PSD3: variants seen among roughly 807,000 people sequenced by gnomAD.
The protein encoded by PSD3 is PH and SEC7 domain-containing protein 3.
In PSD3, 49 loss-of-function variants were observed where a neutral mutation model predicts 105.5. The observed-to-expected ratio is 0.46, with a 90% confidence interval of 0.37 to 0.59. The LOEUF (loss-of-function observed/expected upper bound fraction) is 0.59, where lower values mean the gene tolerates loss of function less well. Ranked by LOEUF, PSD3 falls within the 20% of genes least tolerant of loss-of-function variation. The pLI is 0.00. For missense variants in PSD3, 1,561 were observed against 1,263.8 expected (o/e 1.24, Z -3.57); for synonymous variants, 557 against 457.8 (o/e 1.22, Z -2.77).
chr8:18,583,561 C>A (rs1013355294), intron 12 of PSD3, among the ~76,000 whole-genome samples: 2 of 152,168 alleles, frequency 1.3e-5, no homozygotes, highest in African/African-American at 4.8e-5. Context: ...ACTGAACCTG[C>A]AGTTCCCCAA....
chr8:18,990,806 C>G (rs1825749393), intron 1 of PSD3, among the ~76,000 whole-genome samples: 2 of 152,180 alleles, frequency 1.3e-5, no homozygotes. Context: ...TGTAATTCCC[C>G]TGATGATCAC....
intron 11 of PSD3, among the ~76,000 whole-genome samples, chr8:18,609,876 T>C (rs1046788112): frequency 5.5e-4 from 84 of 152,334 alleles, no homozygotes; most frequent in African/African-American, 1.8e-3. Context: ...TCAGGCACTT[T>C]TAGATTACTG....
At chr8:18,962,800 T>C (rs1419577970) in intron 1 of PSD3, among the ~76,000 whole-genome samples, 2 of 152,212 alleles carry the variant, frequency 1.3e-5, no homozygotes, top group Non-Finnish European at 2.9e-5. Context: ...GCCACACTAA[T>C]CTTTACAACC....
Position 18,865,267 on chromosome 8 carries a change from TATATATATATATATATA to T in PSD3, c.1634+2390_1634+2406del, listed in dbSNP as rs1816811186. 56 of 5,888 alleles carry T rather than the reference TATATATATATATATATA, an allele frequency of 9.5e-3. 7 individuals carry two copies. The highest frequency in any genetic ancestry group is 0.013 in the Non-Finnish European group (44 of 3,332). 0.4% of individuals were successfully genotyped at this position (5,888 alleles called of 1,614,324 possible). A position where few individuals can be genotyped will look rare whatever the true frequency, so the allele number is the denominator to read the frequency against. On this transcript the variant is annotated intron_variant, in intron 4 of 15. Coordinates refer to ENST00000327040, the MANE Select transcript of PSD3 (RefSeq NM_015310.4). ...ATATATATATATATATATATATATA[TATATATATATATATATA>T]TATTTTTTTTTTTTTTTTTTTTTTT...
At chr8:19,011,905 A>C (rs760672990) in intron 1 of PSD3, among the ~76,000 whole-genome samples, 1 of 152,210 alleles carries the variant, frequency 6.6e-6, no homozygotes, top group Non-Finnish European at 1.5e-5. Context: ...GAACACACAA[A>C]CAGATATTTA....
At position 18,784,070 on chromosome 8, in the gene PSD3, G is replaced by A. The variant is rs1257680444; in HGVS notation, c.2082+15225C>T. 5.5e-4 allele frequency among the ~76,000 whole-genome samples: 84 copies of A among 152,040 alleles called. 1 individual carries two copies. On this transcript the variant is annotated intron_variant, in intron 8 of 15. Transcript: ENST00000327040. ...ATCATTCTATTATGTCCAGAAACAT[G>A]TTTTGTATGTTTTCAATCCCTTTTT...
intron 2 of PSD3, among the ~76,000 whole-genome samples, chr8:18,893,472 C>T (rs1393453394): frequency 1.3e-5 from 2 of 152,210 alleles, no homozygotes; most frequent in African/African-American, 4.8e-5. Context: ...AGGTTTGTAA[C>T]TCTAAGCCGT....
intron 9 of PSD3, among the ~76,000 whole-genome samples, chr8:18,702,168 A>G (rs1370752109): frequency 6.6e-6 from 1 of 152,208 alleles, no homozygotes; most frequent in Non-Finnish European, 1.5e-5. Context: ...GGCTGAAATA[A>G]TCAATTTGTA....
chr8:18,728,887 G>T (rs1803523845), intron 9 of PSD3, among the ~76,000 whole-genome samples: 1 of 152,154 alleles, frequency 6.6e-6, no homozygotes, highest in African/African-American at 2.4e-5. Flanking sequence ...GGGACAGAGA[G>T]GGTGGACGCC....
In PSD3 at chr8:18,528,455, C is replaced by T. The variant is rs1005912261; in HGVS notation, c.*7288G>A. 6.6e-6 allele frequency: 1 copy of T among 152,254 alleles called. No individual in the cohort carries two copies. The highest frequency in any genetic ancestry group is 2.4e-5 in the African/African-American group (1 of 41,456). 9.4% of individuals were successfully genotyped at this position (152,254 alleles called of 1,614,324 possible). A position where few individuals can be genotyped will look rare whatever the true frequency, so the allele number is the denominator to read the frequency against. ...TGTGCCACGCTCAGTGACTCAGTCA[C>T]TCTCGGAGTTGATACCTTGCCTCAG... On this transcript the variant is annotated 3_prime_UTR_variant, in exon 16 of 16. Transcript: ENST00000327040.
In PSD3 at chr8:18,980,029, C is replaced by T. The variant is rs1825171106; in HGVS notation, c.21+33534G>A. Among the ~76,000 whole-genome samples the T allele has an allele frequency of 2.0e-5, 3 of 152,298 alleles. No homozygotes were observed. In the South Asian group the frequency reaches 6.2e-4, roughly 32 times the overall value. On this transcript the variant is annotated intron_variant, in intron 1 of 15. Transcript: ENST00000327040. ...AATTATACACTGATCTATGTTTTAGCAGATATTATGGAAAACTCAAAGGTG... is the reference window on the plus strand; with the variant it reads ...AATTATACACTGATCTATGTTTTAGTAGATATTATGGAAAACTCAAAGGTG...
chr8:18,602,376 A>G (rs1315571311), intron 11 of PSD3, among the ~76,000 whole-genome samples: 1 of 152,124 alleles, frequency 6.6e-6, no homozygotes, highest in Non-Finnish European at 1.5e-5. Context: ...ATGCCCACTA[A>G]GTCAGTTACT....
intron 9 of PSD3, chr8:18,733,181 A>C (rs1017978642): frequency 2.6e-5 from 4 of 152,206 alleles, no homozygotes; most frequent in African/African-American, 9.6e-5. Flanking sequence ...ACACAAAAAG[A>C]AATGCTACAA....
intron 2 of PSD3, among the ~76,000 whole-genome samples, chr8:18,874,545 T>TAC (rs1817606191): frequency 6.6e-6 from 1 of 151,728 alleles, no homozygotes; most frequent in African/African-American, 2.4e-5. Context: ...TGTATATATA[T>TAC]ACACTGAAAT....
At chr8:18,777,439 A>G (rs1808208808) in intron 8 of PSD3, among the ~76,000 whole-genome samples, 1 of 152,030 alleles carries the variant, frequency 6.6e-6, no homozygotes, top group Non-Finnish European at 1.5e-5. Flanking sequence ...TCTGACCTTT[A>G]TTGTTTCCTT....
chr8:18,718,241 T>G (rs960167293), intron 9 of PSD3, among the ~76,000 whole-genome samples: 1 of 152,274 alleles, frequency 6.6e-6, no homozygotes, highest in African/African-American at 2.4e-5. Flanking sequence ...TTTTATTTTA[T>G]TAATTCCTCT....
intron 1 of PSD3, among the ~76,000 whole-genome samples, chr8:19,053,517 G>A (rs1178283694): frequency 6.6e-6 from 1 of 152,178 alleles, no homozygotes; most frequent in Admixed American, 6.5e-5. Context: ...AGGGAACACA[G>A]GCCGGGTGTG....
chr8:18,897,871 G>T (rs947516040), intron 2 of PSD3, among the ~76,000 whole-genome samples: 2 of 152,082 alleles, frequency 1.3e-5, no homozygotes, highest in African/African-American at 4.8e-5. Context: ...CAACTTTACT[G>T]AATTAGACGG....
intron 14 of PSD3, among the ~76,000 whole-genome samples, chr8:18,572,261 C>G (rs957117631): frequency 6.6e-6 from 1 of 152,194 alleles, no homozygotes; most frequent in Non-Finnish European, 1.5e-5. Context: ...AACAAAACAT[C>G]AAGTATTGCT....
Sources: gnomAD v4.1 joint callset for allele counts (sites outside exome capture counted in the v4.1 genomes callset) on GRCh38, gnomAD v4.1.1 for gene constraint, MANE v1.5 for transcripts, NCBI Gene and HGNC (gene_info 2026-07-23, HGNC 2026-07-21) for gene names.